Variants in TANGO2 observed in about 807,000 individuals in gnomAD.
The protein encoded by TANGO2 is transport and Golgi organization protein 2 homolog.
TANGO2 carries 26 observed loss-of-function variants against 39.1 expected under a neutral mutation model. That is an observed-to-expected ratio of 0.67 (90% CI 0.49 to 0.92). The LOEUF (loss-of-function observed/expected upper bound fraction) is 0.92. TANGO2 is among the 40% of genes least tolerant of loss of function. TANGO2 has a pLI of 0.00. For synonymous variants in TANGO2, 131 were observed against 144.5 expected (o/e 0.91, Z 0.67); for missense variants, 326 against 360.1 (o/e 0.91, Z 0.77).
chr22:20,041,953 G>C (rs750945390), intron 2 of TANGO2, among the ~76,000 whole-genome samples: 1 of 151,998 alleles, frequency 6.6e-6, no homozygotes, highest in Non-Finnish European at 1.5e-5. Flanking sequence ...CTGCCTCTCC[G>C]GCACAAGTGC....
Position 20,064,617 on chromosome 22 carries a change from C to G in TANGO2, c.786C>G (p.Leu262=). The G allele has an allele frequency of 6.2e-7, 1 of 1,614,208 alleles. No individual in the cohort carries two copies. The highest frequency in any genetic ancestry group is 8.5e-7 in the Non-Finnish European group (1 of 1,180,018). Residue 262 remains leucine, a synonymous_variant, in exon 9 of 9, where the codon CTC becomes CTG. Transcript: ENST00000327374. ...AGCGTAGCATGATGGACAAGGACCT[C>G]TCCCACTGGGAGACCAGAACCTATG... ...FTERSMMDKD[L]SHWETRTYEF...
Position 20,064,646 on chromosome 22 carries a change from TCA to T in TANGO2, c.819_820del (p.Leu274AlafsTer69). 6.2e-7 allele frequency: 1 copy of T among 1,614,120 alleles called. No homozygotes were observed. Among genetic ancestry groups the T allele is most frequent in the Non-Finnish European group, 8.5e-7 (1 of 1,179,998 alleles). ...CACTGGGAGACCAGAACCTATGAGT[TCA>T]CACTGCAGAGCTAACCCCACCTCTG... is the stretch of plus-strand genomic sequence containing the variant. On this transcript the variant is annotated frameshift_variant, in exon 9 of 9. Coordinates refer to ENST00000327374, the MANE Select transcript of TANGO2 (RefSeq NM_152906.7). LOFTEE classifies it high-confidence loss of function.
intron 1 of TANGO2, among the ~76,000 whole-genome samples, chr22:20,033,392 G>C (rs1480282748): frequency 6.6e-6 from 1 of 152,218 alleles, no homozygotes; most frequent in Non-Finnish European, 1.5e-5. Context: ...AGGATGGTGG[G>C]GTCCTGCAGC....
chr22:20,064,967 CA>C lies in TANGO2; in HGVS notation c.*306del, dbSNP rs1268687683. 1 of 353,078 alleles carries C rather than the reference CA, an allele frequency of 2.8e-6. No individual in the cohort carries two copies. Among genetic ancestry groups the C allele is most frequent in the African/African-American group, 2.0e-5 (1 of 48,994 alleles). 21.9% of individuals were successfully genotyped at this position (353,078 alleles called of 1,614,324 possible). The stretch of plus-strand genomic sequence containing the variant: ...CATGTACACAGGCACTCACATGGCA[CA>C]CACATACACTCCTGCGTGTGCACAA... On this transcript the variant is annotated 3_prime_UTR_variant, in exon 9 of 9. Transcript: ENST00000327374.
At position 20,053,521 on chromosome 22, in the gene TANGO2, A is replaced by G. The variant is rs377229496; in HGVS notation, c.350A>G (p.Asn117Ser). ...KKVSMEGHLYNGFNLIAADLS... is the reference protein window; with the variant it reads ...KKVSMEGHLYSGFNLIAADLS... Reference sequence around the variant, plus strand: ...GTCTCTATGGAGGGCCATCTGTACAATGGCTTCAACCTCATAGCAGCCGAC... The same window carrying G: ...GTCTCTATGGAGGGCCATCTGTACAGTGGCTTCAACCTCATAGCAGCCGAC... The change falls in exon 5 of 9, where the codon AAT becomes AGT. Residue 117 changes from asparagine (N) to serine (S), a missense_variant. Physicochemically the swap from Asn to Ser is conservative, Grantham distance 46 (BLOSUM62 1). Coordinates refer to ENST00000327374, the MANE Select transcript of TANGO2 (RefSeq NM_152906.7). 1.2e-5 allele frequency: 19 copies of G among 1,613,516 alleles called. No individual in the cohort carries two copies. In the African/African-American group the frequency reaches 2.4e-4, roughly 20 times the overall value.
In TANGO2 at chr22:20,066,453, C is replaced by T. The variant is rs771137909; in HGVS notation, c.*1791C>T. The T allele has an allele frequency of 6.6e-5, 10 of 152,378 alleles. No individual in the cohort carries two copies. Among genetic ancestry groups the T allele is most frequent in the Non-Finnish European group, 1.2e-4 (8 of 68,190 alleles). 9.4% of individuals were successfully genotyped at this position (152,378 alleles called of 1,614,324 possible). ...ATGAGAGTGCAGGGTGGGTGTGGAC[C>T]TGCGCCAGGGCTTCCCAGCCTGATT... On this transcript the variant is annotated 3_prime_UTR_variant, in exon 9 of 9. Transcript: ENST00000327374.
intron 1 of TANGO2, chr22:20,033,221 A>G: frequency 1.9e-6 from 1 of 527,924 alleles, no homozygotes; most frequent in South Asian, 1.4e-5. Flanking sequence ...TTCCCTCCCA[A>G]TGACCGCGTC....
At chr22:20,041,251 A>G (rs1440220426) in intron 2 of TANGO2, among the ~76,000 whole-genome samples, 3 of 152,088 alleles carry the variant, frequency 2.0e-5, no homozygotes, top group East Asian at 1.9e-4. Flanking sequence ...GGTTCAAGCA[A>G]TTCTCTGCCT....
intron 1 of TANGO2, among the ~76,000 whole-genome samples, chr22:20,030,854 G>A (rs1285884303): frequency 1.3e-5 from 2 of 152,206 alleles, no homozygotes; most frequent in Non-Finnish European, 2.9e-5. Flanking sequence ...TTCAGCCCAT[G>A]AGTTTGAGAA....
At chr22:20,025,947 G>A (rs898718965) in intron 1 of TANGO2, among the ~76,000 whole-genome samples, 7 of 152,232 alleles carry the variant, frequency 4.6e-5, no homozygotes, top group African/African-American at 1.4e-4. Flanking sequence ...ACACATTTAA[G>A]GCCTCAAGGG....
chr22:20,024,899 G>A (rs751486179), intron 1 of TANGO2, among the ~76,000 whole-genome samples: 13 of 152,050 alleles, frequency 8.5e-5, no homozygotes, highest in African/African-American at 1.2e-4. Context: ...GCTACACCCC[G>A]TCCTATGCAG....
At chr22:20,034,176 G>A (rs1024628743) in intron 1 of TANGO2, among the ~76,000 whole-genome samples, 1 of 147,446 alleles carries the variant, frequency 6.8e-6, no homozygotes, top group Non-Finnish European at 1.5e-5. Context: ...GCCAGCCTGG[G>A]CAACAGGAGC....
intron 3 of TANGO2, among the ~76,000 whole-genome samples, chr22:20,046,784 G>A (rs1012466373): frequency 4.6e-5 from 7 of 152,166 alleles, no homozygotes; most frequent in Admixed American, 3.3e-4. Flanking sequence ...TTCTCCTAAC[G>A]CTATCCTTCC....
intron 2 of TANGO2, among the ~76,000 whole-genome samples, chr22:20,039,687 G>A (rs1167967936): frequency 6.6e-6 from 1 of 151,956 alleles, no homozygotes; most frequent in African/African-American, 2.4e-5. Context: ...GATGCCACTT[G>A]CTGGCTTCAG....
At chr22:20,049,351 T>C (rs1018247573) in intron 3 of TANGO2, among the ~76,000 whole-genome samples, 1 of 152,206 alleles carries the variant, frequency 6.6e-6, no homozygotes, top group Admixed American at 6.5e-5. Context: ...CTATGAGTGC[T>C]GCTGCTTTTT....
chr22:20,035,837 T>C lies in TANGO2; in HGVS notation c.-39-923T>C, dbSNP rs188532418. ...GTGGGGGACAGTCTTGAAGGAAGAA[T>C]GTATACAGTGGTCTATTTCCAAGAC... On this transcript the variant is annotated intron_variant, in intron 1 of 8. Coordinates refer to ENST00000327374, the MANE Select transcript of TANGO2 (RefSeq NM_152906.7). Among the ~76,000 whole-genome samples the C allele has an allele frequency of 5.3e-5, 8 of 152,240 alleles. No individual in the cohort carries two copies. In the East Asian group the frequency reaches 1.5e-3, roughly 29 times the overall value.
At position 20,052,470 on chromosome 22, in the gene TANGO2, G is replaced by T. The variant is rs776038591; in HGVS notation, c.151G>T (p.Asp51Tyr). ...GNNNEILSGL[D>Y]MEEGKEGGTW... ...AACACTGTCATCTGCCACAGGGCTG[G>T]ACATGGAGGAAGGCAAGGAAGGAGG... Residue 51 changes from aspartate to tyrosine, a missense_variant, in exon 4 of 9, where the codon GAC (aspartate) becomes TAC (tyrosine). Asp to Tyr is a radical substitution (Grantham distance 160). Coordinates refer to ENST00000327374, the MANE Select transcript of TANGO2 (RefSeq NM_152906.7). 1.4e-5 allele frequency: 23 copies of T among 1,600,926 alleles called. No homozygotes were observed. The highest frequency in any genetic ancestry group is 2.0e-5 in the Non-Finnish European group (23 of 1,173,872).
chr22:20,063,561 A>T, intron 8 of TANGO2, 119 bp downstream of exon 8: 1 of 911,654 alleles, frequency 1.1e-6, no homozygotes. Flanking sequence ...GCCTGAGTGG[A>T]TTCCAGAGCT....
intron 1 of TANGO2, among the ~76,000 whole-genome samples, chr22:20,022,121 T>C (rs2039818950): frequency 6.6e-6 from 1 of 152,262 alleles, no homozygotes; most frequent in South Asian, 2.1e-4. Context: ...TTTCTCACGC[T>C]AGCTCATTTG....
Sources: gnomAD v4.1 joint callset for allele counts (sites outside exome capture counted in the v4.1 genomes callset) on GRCh38, gnomAD v4.1.1 for gene constraint, MANE v1.5 for transcripts, NCBI Gene and HGNC (gene_info 2026-07-23, HGNC 2026-07-21) for gene names.